Variants in PRR5L observed in about 807,000 individuals in gnomAD.
PRR5L encodes proline rich 5 like.
Under a neutral mutation model 36.4 loss-of-function variants are expected in PRR5L, and 21 were observed. The observed-to-expected ratio is 0.58, with a 90% CI of 0.41 to 0.83. The LOEUF is 0.83. PRR5L is among the 40% of genes least tolerant of loss of function. The pLI is 0.00. For synonymous variants in PRR5L, 188 were observed against 197.0 expected, an observed-to-expected ratio of 0.95 and a Z score of 0.38; for missense variants, 381 against 473.3, an observed-to-expected ratio of 0.80 and a Z score of 1.81.
At chr11:36,348,531 C>T (rs1327674554) in intron 1 of PRR5L, among the ~76,000 whole-genome samples, 1 of 152,184 alleles carries the variant, frequency 6.6e-6, no homozygotes, top group African/African-American at 2.4e-5. Context: ...CCTCTGTCTG[C>T]CTTGCCCATT....
intron 1 of PRR5L, among the ~76,000 whole-genome samples, chr11:36,390,315 G>T (rs1486778129): frequency 6.6e-6 from 1 of 152,202 alleles, no homozygotes; most frequent in Non-Finnish European, 1.5e-5. Flanking sequence ...CCTGAGGTGG[G>T]GCAGAGCAGG....
At position 36,443,726 on chromosome 11, in the gene PRR5L, T is replaced by A. The variant is rs570291420; in HGVS notation, c.445-2574T>A. Among the ~76,000 whole-genome samples, 4 of 152,354 alleles carry A rather than the reference T, an allele frequency of 2.6e-5. No homozygotes were observed. In the South Asian group the frequency reaches 8.3e-4, roughly 32 times the overall value. ...ACAGCAGATAATCCAGTTATTTGGA[T>A]GAGTTTTTCCCACGTCATGGGCTGA... On this transcript the variant is annotated intron_variant, in intron 6 of 8. Coordinates refer to ENST00000530639, the MANE Select transcript of PRR5L (RefSeq NM_001160167.2).
intron 2 of PRR5L, 133 bp from the exon 3 acceptor site, chr11:36,403,165 G>A (rs1857833892): frequency 7.9e-6 from 5 of 635,418 alleles, no homozygotes; most frequent in Non-Finnish European, 1.4e-5. Context: ...GGAAATGGAG[G>A]ATGGATGGAG....
intron 1 of PRR5L, among the ~76,000 whole-genome samples, chr11:36,296,904 C>A (rs958296938): frequency 6.6e-6 from 1 of 152,164 alleles, no homozygotes; most frequent in Non-Finnish European, 1.5e-5. Flanking sequence ...CGTCATCATG[C>A]CCCTTGTAAA....
intron 4 of PRR5L, among the ~76,000 whole-genome samples, chr11:36,419,791 C>T (rs985823672): frequency 2.0e-5 from 3 of 152,068 alleles, no homozygotes; most frequent in Non-Finnish European, 2.9e-5. Flanking sequence ...TTGCATGCCA[C>T]GTAGTTTTGG....
At position 36,334,592 on chromosome 11, in the gene PRR5L, T is replaced by C. The variant is rs560290921; in HGVS notation, c.-126+38154T>C. On this transcript the variant is annotated intron_variant, in intron 1 of 8. Coordinates refer to ENST00000530639, the MANE Select transcript of PRR5L (RefSeq NM_001160167.2). Reference sequence around the variant, plus strand: ...CCTCTTTGCCTGGTTAACCACTCTTTATCCTTTGGCTTTTGGTTGGTTGAT... The same window carrying C: ...CCTCTTTGCCTGGTTAACCACTCTTCATCCTTTGGCTTTTGGTTGGTTGAT... Among the ~76,000 whole-genome samples, 9 of 152,360 alleles carry C rather than the reference T, an allele frequency of 5.9e-5. No individual in the cohort carries two copies. The South Asian group carries it at 1.9e-3, about 32-fold the overall frequency.
chr11:36,334,663 AC>A (rs1856751324), intron 1 of PRR5L, among the ~76,000 whole-genome samples: 2 of 151,976 alleles, frequency 1.3e-5, no homozygotes, highest in Admixed American at 1.3e-4. Flanking sequence ...TTTTACACTT[AC>A]CTTTTCTATG....
chr11:36,315,392 G>T (rs950358368), intron 1 of PRR5L, among the ~76,000 whole-genome samples: 6 of 152,162 alleles, frequency 3.9e-5, no homozygotes, highest in African/African-American at 1.4e-4. Flanking sequence ...ATGTATAGAT[G>T]TATTTTGGAA....
chr11:36,447,685 A>G (rs1858860302), intron 7 of PRR5L, among the ~76,000 whole-genome samples: 1 of 152,144 alleles, frequency 6.6e-6, no homozygotes, highest in South Asian at 2.1e-4. Context: ...CTTCCCCCAC[A>G]TCCCCCAGCT....
chr11:36,343,820 C>T lies in PRR5L; in HGVS notation c.-126+47382C>T, dbSNP rs530691771. 6.6e-5 allele frequency among the ~76,000 whole-genome samples: 10 copies of T among 152,256 alleles called. No individual in the cohort carries two copies. The East Asian group carries it at 1.7e-3, about 26-fold the overall frequency. On this transcript the variant is annotated intron_variant, in intron 1 of 8. Transcript: ENST00000530639. ...GGTCTGGAAAGCTTAAGTCACCTATCCAAGGACACAGTCAGAATATAGATC... is the reference window on the plus strand; with the variant it reads ...GGTCTGGAAAGCTTAAGTCACCTATTCAAGGACACAGTCAGAATATAGATC...
intron 1 of PRR5L, chr11:36,381,732 A>G (rs1857371290): frequency 6.6e-6 from 1 of 152,182 alleles, no homozygotes; most frequent in Non-Finnish European, 1.5e-5. Flanking sequence ...TGGAAGCAGT[A>G]TGGCCACTTT....
chr11:36,351,013 G>C (rs11033568), intron 1 of PRR5L, among the ~76,000 whole-genome samples: 4 of 20,466 alleles, frequency 2.0e-4, no homozygotes, highest in Non-Finnish European at 3.6e-4. Context: ...TATTTATATA[G>C]TTATATATTT....
intron 1 of PRR5L, among the ~76,000 whole-genome samples, chr11:36,335,986 G>A (rs1278781662): frequency 3.3e-5 from 5 of 152,158 alleles, no homozygotes; most frequent in Non-Finnish European, 7.3e-5. Context: ...GACTTGGGGT[G>A]AAAACGGGAG....
At chr11:36,444,186 G>C (rs373519703) in intron 6 of PRR5L, among the ~76,000 whole-genome samples, 9 of 152,284 alleles carry the variant, frequency 5.9e-5, no homozygotes, top group African/African-American at 2.2e-4. Flanking sequence ...AGAATATTAC[G>C]CAGCCTTACA....
At chr11:36,303,123 G>A (rs563126414) in intron 1 of PRR5L, among the ~76,000 whole-genome samples, 2 of 152,126 alleles carry the variant, frequency 1.3e-5, no homozygotes. Context: ...AGGGAAGCAG[G>A]ACTCTTCCTC....
intron 1 of PRR5L, among the ~76,000 whole-genome samples, chr11:36,331,753 A>G (rs1468276512): frequency 6.6e-6 from 1 of 152,232 alleles, no homozygotes; most frequent in Admixed American, 6.5e-5. Context: ...AGCTGAAAAA[A>G]GAGATTAGCA....
intron 1 of PRR5L, among the ~76,000 whole-genome samples, chr11:36,367,740 TTCTC>T (rs55635913): frequency 0.01 from 1,578 of 150,324 alleles, 20 homozygotes; most frequent in African/African-American, 0.026. Flanking sequence ...ACCAGAGAAC[TTCTC>T]TCTCTCTCTC....
At position 36,425,366 on chromosome 11, in the gene PRR5L, C is replaced by T. The variant is rs568445534; in HGVS notation, c.294+6063C>T. On this transcript the variant is annotated intron_variant, in intron 4 of 8. Coordinates refer to ENST00000530639, the MANE Select transcript of PRR5L (RefSeq NM_001160167.2). ...TGAAGACCCAGCCCAGGTCATCTGG[C>T]CACAGAAGAAAAATCTCTTGGATTA... 3.3e-5 allele frequency: 5 copies of T among 152,246 alleles called. No individual in the cohort carries two copies. The East Asian group carries it at 9.7e-4, about 29-fold the overall frequency. 9.4% of individuals were successfully genotyped at this position (152,246 alleles called of 1,614,324 possible). A position where few individuals can be genotyped will look rare whatever the true frequency, so the allele number is the denominator to read the frequency against.
At chr11:36,309,936 T>C (rs1474826711) in intron 1 of PRR5L, among the ~76,000 whole-genome samples, 1 of 726 alleles carries the variant, frequency 1.4e-3, no homozygotes, top group Non-Finnish European at 0.071. Context: ...TTTGACTCCA[T>C]GTCAAAGAAT....
Sources: allele counts gnomAD v4.1 joint callset (sites outside exome capture counted in the v4.1 genomes callset), GRCh38; gene constraint gnomAD v4.1.1; transcripts MANE v1.5; gene names NCBI Gene and HGNC (gene_info 2026-07-23, HGNC 2026-07-21).